The following ERO1B variants were observed in gnomAD, a reference collection of about 807,000 sequenced individuals.
The protein encoded by ERO1B is endoplasmic reticulum oxidoreductase 1 beta, also known as ERO1-like protein beta.
ERO1B carries 49 observed loss-of-function variants against 75.3 expected under a neutral mutation model. That is an observed-to-expected ratio of 0.65 (90% CI 0.52 to 0.83). The LOEUF is 0.83. Among genes scored for constraint, ERO1B ranks in the 40% least tolerant of loss-of-function variants. The pLI is 0.00. For missense variants in ERO1B, 512 were observed against 560.1 expected, an observed-to-expected ratio of 0.91 and a Z score of 0.87; for synonymous variants, 191 against 192.9, an observed-to-expected ratio of 0.99 and a Z score of 0.08.
At chr1:236,266,706 T>G (rs555814801) in intron 2 of ERO1B, among the ~76,000 whole-genome samples, 1 of 152,364 alleles carries the variant, frequency 6.6e-6, no homozygotes, top group South Asian at 2.1e-4. Flanking sequence ...CTGTTGTAGG[T>G]AGAGTATATT....
rs1665845078 is a variant in ERO1B at position 236,281,867 on chromosome 1, G to A, written c.-84C>T. 3 of 1,022,514 alleles carry A rather than the reference G, an allele frequency of 2.9e-6. No individual in the cohort carries two copies. Among genetic ancestry groups the A allele is most frequent in the Middle Eastern group, 3.4e-4 (1 of 2,926 alleles). 63.3% of individuals were successfully genotyped at this position (1,022,514 alleles called of 1,614,324 possible). On this transcript the variant is annotated 5_prime_UTR_variant, in exon 1 of 16. Transcript: ENST00000354619. ...GGCCCAGGCGACGACCCAAGGGGACGGTTCCCAGCGGCCGAGCGACTCCAG... is the reference window on the plus strand; with the variant it reads ...GGCCCAGGCGACGACCCAAGGGGACAGTTCCCAGCGGCCGAGCGACTCCAG...
In ERO1B at chr1:236,217,816, G is replaced by A. The variant is rs1664033040; in HGVS notation, c.*700C>T. 6.6e-6 allele frequency: 1 copy of A among 152,074 alleles called. No homozygotes were observed. Among genetic ancestry groups the A allele is most frequent in the Non-Finnish European group, 1.5e-5 (1 of 68,010 alleles). The allele number at this position is 152,074 out of a possible 1,614,324, so 9.4% of individuals were successfully genotyped here. On this transcript the variant is annotated 3_prime_UTR_variant, in exon 16 of 16. Coordinates refer to ENST00000354619, the MANE Select transcript of ERO1B (RefSeq NM_019891.4). Reference sequence around the variant, plus strand: ...CCATTACACACACAAAATCTGGCTGGGTAGCATAGGGGAGAGGTCTTGTTC... The same window carrying A: ...CCATTACACACACAAAATCTGGCTGAGTAGCATAGGGGAGAGGTCTTGTTC...
chr1:236,220,916 ATTTC>A lies in ERO1B; in HGVS notation c.1255_1258del (p.Glu419SerfsTer20). On this transcript the variant is annotated frameshift_variant, in exon 15 of 16. Coordinates refer to ENST00000354619, the MANE Select transcript of ERO1B (RefSeq NM_019891.4). LOFTEE classifies it high-confidence loss of function. ...TGGACTATTCTCTGGAAGCTTTTGG[ATTTC>A]TTTTTCAGAGAATAATATCTTCAGG... 1.2e-6 allele frequency: 2 copies of A among 1,603,914 alleles called. No homozygotes were observed.
At chr1:236,248,913 A>G (rs958669109) in intron 5 of ERO1B, among the ~76,000 whole-genome samples, 2 of 152,018 alleles carry the variant, frequency 1.3e-5, no homozygotes, top group Non-Finnish European at 2.9e-5. Flanking sequence ...AATGGAGGAT[A>G]TGTATGTGGG....
At chr1:236,250,463 C>T (rs1664988791) in intron 4 of ERO1B, among the ~76,000 whole-genome samples, 1 of 151,360 alleles carries the variant, frequency 6.6e-6, no homozygotes, top group South Asian at 2.1e-4. Flanking sequence ...CAGAGCAAGA[C>T]TCTGTCTCAA....
Position 236,236,304 on chromosome 1 carries a change from G to A in ERO1B, c.600C>T (p.Asn200=), listed in dbSNP as rs753480694. The A allele has an allele frequency of 2.7e-5, 44 of 1,612,432 alleles. No homozygotes were observed. Among genetic ancestry groups the A allele is most frequent in the Non-Finnish European group, 3.5e-5 (41 of 1,179,396 alleles). ...TGAAACAGTTCTCTTCATAGATGCT[G>A]TTCCACACTCTCCATGCAGAGGTCC... The part of the protein sequence containing the change: ...YKGTSAWRVW[N]SIYEENCFKP... Residue 200 remains asparagine (N), a synonymous_variant, in exon 7 of 16, where the codon AAC becomes AAT. Coordinates refer to ENST00000354619, the MANE Select transcript of ERO1B (RefSeq NM_019891.4).
At chr1:236,276,615 C>T (rs1243418147) in intron 1 of ERO1B, among the ~76,000 whole-genome samples, 1 of 152,080 alleles carries the variant, frequency 6.6e-6, no homozygotes, top group Non-Finnish European at 1.5e-5. Flanking sequence ...AGGACATCGG[C>T]GACCTTGCCA....
chr1:236,279,504 CAAAAA>C (rs57596875), intron 1 of ERO1B, among the ~76,000 whole-genome samples: 2 of 78,540 alleles, frequency 2.5e-5, no homozygotes, highest in South Asian at 1.2e-3. Context: ...GACTCCATCT[CAAAAA>C]AAAAAAAAAA....
intron 6 of ERO1B, among the ~76,000 whole-genome samples, chr1:236,236,763 A>T (rs996455063): frequency 6.6e-6 from 1 of 152,186 alleles, no homozygotes; most frequent in African/African-American, 2.4e-5. Flanking sequence ...ATTTCATATG[A>T]TTTCTTCTCT....
Position 236,253,473 on chromosome 1 carries a change from T to C in ERO1B, c.255A>G (p.Ala85=). 6.2e-7 allele frequency: 1 copy of C among 1,610,956 alleles called. No individual in the cohort carries two copies. Among genetic ancestry groups the C allele is most frequent in the Middle Eastern group, 1.7e-4 (1 of 6,056 alleles). The stretch of plus-strand genomic sequence containing the variant: ...CTTTTATTGAACAGTGGCCATCTTC[T>C]GCCCAGAAAGGACAAGGTCGCTTCA... The part of the protein sequence containing the change: ...VNLKRPCPFW[A]EDGHCSIKDC... The change falls in exon 3 of 16, where the codon GCA becomes GCG. Residue 85 remains alanine, a synonymous_variant. Transcript: ENST00000354619.
chr1:236,265,156 T>TCTTGGG (rs1219743896), intron 2 of ERO1B, among the ~76,000 whole-genome samples: 2 of 152,118 alleles, frequency 1.3e-5, no homozygotes, highest in East Asian at 3.8e-4. Context: ...GGTATCCTTG[T>TCTTGGG]CTTGGTTCCT....
intron 4 of ERO1B, 87 bp downstream of exon 4, chr1:236,251,963 T>C: frequency 1.0e-6 from 1 of 979,640 alleles, no homozygotes; most frequent in Non-Finnish European, 1.6e-6. Context: ...AACCATAATA[T>C]GGTTCTTTAC....
chr1:236,250,979 GT>G (rs1665012336), intron 4 of ERO1B, among the ~76,000 whole-genome samples: 1 of 152,000 alleles, frequency 6.6e-6, no homozygotes, highest in African/African-American at 2.4e-5. Flanking sequence ...AAAAATGCTA[GT>G]GCATTACTGT....
intron 1 of ERO1B, 94 bp from the exon 2 acceptor site, chr1:236,270,088 G>A: frequency 1.1e-6 from 1 of 909,136 alleles, no homozygotes; most frequent in Non-Finnish European, 1.6e-6. Context: ...ATTCATTCAA[G>A]TTAGCCGGTA....
At chr1:236,230,736 A>C (rs1235502205) in intron 9 of ERO1B, among the ~76,000 whole-genome samples, 1 of 152,052 alleles carries the variant, frequency 6.6e-6, no homozygotes, top group Non-Finnish European at 1.5e-5. Flanking sequence ...CAAATAATTT[A>C]AGTAACTTTA....
intron 1 of ERO1B, among the ~76,000 whole-genome samples, chr1:236,273,689 C>T (rs1665646621): frequency 6.6e-6 from 1 of 151,638 alleles, no homozygotes; most frequent in African/African-American, 2.4e-5. Flanking sequence ...ATCTGTAGTC[C>T]CAGCTACTCA....
chr1:236,280,178 G>A (rs1365198421), intron 1 of ERO1B, among the ~76,000 whole-genome samples: 1 of 151,954 alleles, frequency 6.6e-6, no homozygotes, highest in East Asian at 1.9e-4. Context: ...ATAATTAGTG[G>A]TAAATGAAAA....
chr1:236,281,874 A>T lies in ERO1B; in HGVS notation c.-91T>A. The T allele has an allele frequency of 3.2e-6, 3 of 925,862 alleles. No homozygotes were observed. Among genetic ancestry groups the T allele is most frequent in the Non-Finnish European group, 4.3e-6 (3 of 691,138 alleles). 57.4% of individuals were successfully genotyped at this position (925,862 alleles called of 1,614,324 possible). On this transcript the variant is annotated 5_prime_UTR_variant, in exon 1 of 16. Transcript: ENST00000354619. ...GCGACGACCCAAGGGGACGGTTCCCAGCGGCCGAGCGACTCCAGGGTCAGA... is the reference window on the plus strand; with the variant it reads ...GCGACGACCCAAGGGGACGGTTCCCTGCGGCCGAGCGACTCCAGGGTCAGA...
intron 2 of ERO1B, among the ~76,000 whole-genome samples, chr1:236,264,281 GTATT>G (rs1421249510): frequency 6.6e-6 from 1 of 151,692 alleles, no homozygotes; most frequent in Non-Finnish European, 1.5e-5. Context: ...CTAGTTTCTT[GTATT>G]TTTAGTGGAG....
Sources: gnomAD v4.1 joint callset for allele counts (sites outside exome capture counted in the v4.1 genomes callset) on GRCh38, gnomAD v4.1.1 for gene constraint, MANE v1.5 for transcripts, NCBI Gene and HGNC (gene_info 2026-07-23, HGNC 2026-07-21) for gene names.